SPMIP2: variants seen among roughly 807,000 people sequenced by gnomAD.
SPMIP2 encodes protein SPMIP2.
At chr4:158,997,792 A>G in the SPMIP2 span, among the ~76,000 whole-genome samples, 5 of 152,032 alleles carry the variant, frequency 3.3e-5, no homozygotes, top group Admixed American at 3.3e-4. Flanking sequence ...AGCTGTGATT[A>G]CACGCATGGG....
chr4:158,907,715 T>C, the SPMIP2 span: 1 of 152,258 alleles, frequency 6.6e-6, no homozygotes, highest in South Asian at 2.1e-4. Context: ...ATTTGTTTTT[T>C]ATTGTGCTTG....
chr4:158,909,719 A>C, the SPMIP2 span, among the ~76,000 whole-genome samples: 1 of 151,900 alleles, frequency 6.6e-6, no homozygotes, highest in Non-Finnish European at 1.5e-5. Flanking sequence ...GACTACAGGC[A>C]TGCACCAACA....
chr4:158,979,811 TTTTC>T, the SPMIP2 span, among the ~76,000 whole-genome samples: 259 of 133,092 alleles, frequency 1.9e-3, 1 homozygote, highest in African/African-American at 6.8e-3. Flanking sequence ...TTTTTTTTTT[TTTTC>T]ATACCCCAGT....
At chr4:158,960,750 T>C in the SPMIP2 span, among the ~76,000 whole-genome samples, 100,292 of 151,982 alleles carry the variant, frequency 0.66, 33,337 homozygotes, top group South Asian at 0.8. Flanking sequence ...AATGTGGTCG[T>C]AATAACGTAG....
At chr4:158,950,817 T>C in the SPMIP2 span, among the ~76,000 whole-genome samples, 1 of 152,128 alleles carries the variant, frequency 6.6e-6, no homozygotes, top group African/African-American at 2.4e-5. Flanking sequence ...TGCTTGAACC[T>C]TGGAGGCAGA....
chr4:158,951,483 G>T, the SPMIP2 span, among the ~76,000 whole-genome samples: 1 of 152,132 alleles, frequency 6.6e-6, no homozygotes, highest in Non-Finnish European at 1.5e-5. Flanking sequence ...TAACCTTATG[G>T]GACCACCTTT....
the SPMIP2 span, among the ~76,000 whole-genome samples, chr4:158,989,004 T>G: frequency 6.6e-6 from 1 of 152,112 alleles, no homozygotes. Context: ...CAGCCCAAAA[T>G]CTCCTTAAGC....
At chr4:159,026,320 A>G in the SPMIP2 span, 5 of 615,770 alleles carry the variant, frequency 8.1e-6, no homozygotes, top group Non-Finnish European at 1.6e-5. Context: ...GTTTTCTCGT[A>G]CCCTGGGAGA....
chr4:159,029,925 A>T, the SPMIP2 span, among the ~76,000 whole-genome samples: 2 of 152,244 alleles, frequency 1.3e-5, no homozygotes, highest in Admixed American at 1.3e-4. Context: ...AAAAATTAGC[A>T]TCAAAAATGT....
chr4:158,926,664 ATC>A, the SPMIP2 span, among the ~76,000 whole-genome samples: 46 of 152,056 alleles, frequency 3.0e-4, no homozygotes, highest in Admixed American at 1.9e-3. Context: ...TATCCTATAG[ATC>A]TCTGTTAGAT....
chr4:159,014,782 T>C, the SPMIP2 span, among the ~76,000 whole-genome samples: 3 of 151,410 alleles, frequency 2.0e-5, no homozygotes, highest in Non-Finnish European at 4.4e-5. Flanking sequence ...AGGCCACACA[T>C]AAAATACACT....
the SPMIP2 span, among the ~76,000 whole-genome samples, chr4:158,914,956 CTTG>C: frequency 2.6e-5 from 4 of 152,178 alleles, no homozygotes; most frequent in African/African-American, 9.7e-5. Context: ...GACACAACCT[CTTG>C]TTTTCTTTAA....
At chr4:158,976,967 C>T in the SPMIP2 span, among the ~76,000 whole-genome samples, 1 of 152,080 alleles carries the variant, frequency 6.6e-6, no homozygotes, top group Admixed American at 6.6e-5. Flanking sequence ...GCCAGATAAG[C>T]TTTTTAATGT....
the SPMIP2 span, among the ~76,000 whole-genome samples, chr4:159,012,893 T>G: frequency 6.6e-6 from 1 of 152,164 alleles, no homozygotes; most frequent in Non-Finnish European, 1.5e-5. Flanking sequence ...CAAGTTATGC[T>G]GATACAAAAT....
chr4:159,005,490 G>A, the SPMIP2 span, among the ~76,000 whole-genome samples: 9 of 152,154 alleles, frequency 5.9e-5, no homozygotes, highest in African/African-American at 1.9e-4. Flanking sequence ...CAACTAGGGT[G>A]TTTGGATATA....
At chr4:158,949,831 C>T in the SPMIP2 span, among the ~76,000 whole-genome samples, 2 of 152,090 alleles carry the variant, frequency 1.3e-5, no homozygotes, top group African/African-American at 4.8e-5. Flanking sequence ...CACAAGAAAG[C>T]GGATCAGTTA....
the SPMIP2 span, among the ~76,000 whole-genome samples, chr4:159,029,537 A>G: frequency 6.6e-6 from 1 of 152,222 alleles, no homozygotes; most frequent in Non-Finnish European, 1.5e-5. Context: ...AAGCTAAATA[A>G]ATTCCAAGAT....
At chr4:158,930,602 C>T in the SPMIP2 span, among the ~76,000 whole-genome samples, 1 of 151,792 alleles carries the variant, frequency 6.6e-6, no homozygotes, top group South Asian at 2.1e-4. Context: ...AGTGATCCTT[C>T]TGTCTCAGCC....
chr4:159,034,401 C>T, the SPMIP2 span, among the ~76,000 whole-genome samples: 7 of 152,216 alleles, frequency 4.6e-5, no homozygotes, highest in South Asian at 8.3e-4. Flanking sequence ...AATAAAAATT[C>T]GATGAAAAGT....
Sources: allele counts gnomAD v4.1 joint callset (sites outside exome capture counted in the v4.1 genomes callset), GRCh38; gene constraint gnomAD v4.1.1; transcripts MANE v1.5; gene names NCBI Gene and HGNC (gene_info 2026-07-23, HGNC 2026-07-21).